Variants in COL9A1 observed in about 807,000 individuals in gnomAD.
COL9A1 encodes the protein collagen alpha-1(IX) chain.
In COL9A1, 104 loss-of-function variants were observed where a neutral mutation model predicts 142.6. The ratio of observed to expected loss-of-function variants is 0.73; its 90% CI spans 0.62 to 0.86. COL9A1 has a LOEUF of 0.86. Among genes scored for constraint, COL9A1 ranks in the 40% least tolerant of loss-of-function variants. COL9A1 has a pLI of 0.00. For synonymous variants in COL9A1, 466 were observed against 396.0 expected, an observed-to-expected ratio of 1.18 and a Z score of -2.10; for missense variants, 1,210 against 1,176.6, an observed-to-expected ratio of 1.03 and a Z score of -0.42.
chr6:70,294,482 G>T lies in COL9A1; in HGVS notation c.381C>A (p.Asn127Lys), dbSNP rs373482218. Residue 127 changes from asparagine (N) to lysine (K), a missense_variant, in exon 5 of 38, where the codon AAC becomes AAA. Physicochemically the swap from Asn to Lys is moderately conservative, Grantham distance 94. Transcript: ENST00000357250. The stretch of plus-strand genomic sequence containing the variant: ...AATCCTGAATCTGCCAAATGTTCCA[G>T]TTCTTTTTGAGAGTGCTTCCAGTCA... ...FRMTGSTLKK[N>K]WNIWQIQDSS... is the part of the protein sequence containing the mutation. 3.7e-6 allele frequency: 6 copies of T among 1,613,990 alleles called. No individual in the cohort carries two copies. Among genetic ancestry groups the T allele is most frequent in the Non-Finnish European group, 5.1e-6 (6 of 1,179,982 alleles).
rs1262621267 is a variant in COL9A1, at chr6:70,300,086, C to T, written c.256G>A (p.Ala86Thr). 1.9e-6 allele frequency: 3 copies of T among 1,613,816 alleles called. No individual in the cohort carries two copies. Among genetic ancestry groups the T allele is most frequent in the South Asian group, 2.2e-5 (2 of 91,076 alleles). The change falls in exon 4 of 38, where the codon GCT becomes ACT. Residue 86 changes from alanine (A) to threonine (T), a missense_variant. Transcript: ENST00000357250. ...TCTACATTATTTCCCAACTTGTAAG[C>T]CACCTGCAATGTAGCTGATCCCACT... Reference protein sequence around the residue: ...RVVGSATLQVAYKLGNNVDFR... With the variant: ...RVVGSATLQVTYKLGNNVDFR...
chr6:70,294,557 T>A lies in COL9A1; in HGVS notation c.306A>T (p.Leu102Phe). ...NVDFRIPTRN[L>F]YPSGLPEEYS... ...ATTCTTCAGGCAGTCCACTGGGATA[T>A]AAATTCCTGAGTAAAATTTTTAAAT... The change falls in exon 5 of 38, where the codon TTA becomes TTT. Residue 102 changes from leucine (L) to phenylalanine (F), a missense_variant. Leu to Phe is a conservative substitution (Grantham distance 22). Coordinates refer to ENST00000357250, the MANE Select transcript of COL9A1 (RefSeq NM_001851.6). 6.2e-7 allele frequency: 1 copy of A among 1,613,920 alleles called. No homozygotes were observed. The highest frequency in any genetic ancestry group is 8.5e-7 in the Non-Finnish European group (1 of 1,179,862).
rs6905075 is a variant in COL9A1, at chr6:70,283,945, C to T, written c.697-125G>A. The T allele has an allele frequency of 2.0e-3, 1,489 of 755,440 alleles. 16 individuals are homozygous for T. In the African/African-American group the frequency reaches 0.022, roughly 11 times the overall value. 46.8% of individuals were successfully genotyped at this position (755,440 alleles called of 1,614,324 possible). A position where few individuals can be genotyped will look rare whatever the true frequency, so the allele number is the denominator to read the frequency against. On this transcript the variant is annotated intron_variant, in intron 5 of 37. Transcript: ENST00000357250. ...AATCAACTTGAACTGGTTGAGCACA[C>T]TGGACCAGGACTCTTGCTTTTCCTT...
chr6:70,293,598 A>T (rs1251427463), intron 5 of COL9A1, among the ~76,000 whole-genome samples: 1 of 151,118 alleles, frequency 6.6e-6, no homozygotes, highest in Non-Finnish European at 1.5e-5. Flanking sequence ...CACTCTGAAG[A>T]TAGTATGTCT....
chr6:70,242,766 C>T (rs1770347692), intron 28 of COL9A1, 51 bp from the exon 29 acceptor site: 6 of 1,535,574 alleles, frequency 3.9e-6, no homozygotes, highest in East Asian at 2.2e-5. Context: ...AATTCAAATG[C>T]TTAGTTACTA....
chr6:70,302,047 G>T lies in COL9A1; in HGVS notation c.42C>A (p.Cys14Ter). 6.2e-7 allele frequency: 1 copy of T among 1,611,754 alleles called. No individual in the cohort carries two copies. The highest frequency in any genetic ancestry group is 8.5e-7 in the Non-Finnish European group (1 of 1,179,108). ...CAGATGCCCAGGGTTCCAGGAAACT[G>T]CACACAAAGAAGAAAACTGGAATTT... ...CWKIPVFFFV[C>*]SFLEPWASAA... The change falls in exon 2 of 38, where the codon TGC (cysteine) becomes TGA (stop). Residue 14 changes from cysteine (C) to a stop codon, truncating the protein, a stop_gained. Coordinates refer to ENST00000357250, the MANE Select transcript of COL9A1 (RefSeq NM_001851.6). LOFTEE classifies it high-confidence loss of function.
intron 29 of COL9A1, among the ~76,000 whole-genome samples, chr6:70,242,431 T>C (rs1489532667): frequency 6.6e-6 from 1 of 152,182 alleles, no homozygotes; most frequent in African/African-American, 2.4e-5. Flanking sequence ...AATGCAGCAC[T>C]TCACATTTCA....
intron 28 of COL9A1, among the ~76,000 whole-genome samples, chr6:70,243,345 C>T (rs1305521639): frequency 3.3e-5 from 5 of 152,058 alleles, no homozygotes; most frequent in East Asian, 1.9e-4. Flanking sequence ...CGAAGATACA[C>T]CAAAAATAAT....
Position 70,302,963 on chromosome 6 carries a change from T to C in COL9A1, c.-39A>G, listed in dbSNP as rs1011705191. ...TTTCTTTGTTTGCCAACAGTCCCTA[T>C]GAAGAAGGGGTTGGAAGGGAGTCAC... is the stretch of plus-strand genomic sequence containing the variant. On this transcript the variant is annotated 5_prime_UTR_variant, in exon 1 of 38. Coordinates refer to ENST00000357250, the MANE Select transcript of COL9A1 (RefSeq NM_001851.6). 15 of 1,610,146 alleles carry C rather than the reference T, an allele frequency of 9.3e-6. No homozygotes were observed. In the East Asian group the frequency reaches 3.3e-4, roughly 36 times the overall value.
chr6:70,295,792 T>C (rs1773831190), intron 4 of COL9A1, among the ~76,000 whole-genome samples: 1 of 152,376 alleles, frequency 6.6e-6, no homozygotes, highest in East Asian at 1.9e-4. Flanking sequence ...AATCAGCATG[T>C]TAAATGTAAG....
intron 1 of COL9A1, 138 bp from the exon 2 acceptor site, chr6:70,302,212 T>C: frequency 1.1e-4 from 60 of 532,726 alleles, no homozygotes; most frequent in East Asian, 1.6e-4. Flanking sequence ...TTCTTTTTTT[T>C]TTTTTTTTTT....
chr6:70,297,808 G>A (rs1398139789), intron 4 of COL9A1, among the ~76,000 whole-genome samples: 3 of 152,014 alleles, frequency 2.0e-5, no homozygotes, highest in Non-Finnish European at 2.9e-5. Context: ...TTGTTAGTGG[G>A]AGTTGAGAGT....
intron 33 of COL9A1, among the ~76,000 whole-genome samples, chr6:70,235,171 T>A (rs1769825976): frequency 6.6e-6 from 1 of 152,212 alleles, no homozygotes; most frequent in Non-Finnish European, 1.5e-5. Flanking sequence ...ATCTTTCTTT[T>A]GGCTGGGTGT....
At chr6:70,250,582 G>A (rs1770877589) in intron 28 of COL9A1, among the ~76,000 whole-genome samples, 1 of 152,164 alleles carries the variant, frequency 6.6e-6, no homozygotes, top group Non-Finnish European at 1.5e-5. Context: ...TGTGAGAAGT[G>A]GAGAAATTCC....
At chr6:70,282,364 A>C (rs1773218436) in intron 7 of COL9A1, among the ~76,000 whole-genome samples, 1 of 152,218 alleles carries the variant, frequency 6.6e-6, no homozygotes, top group Admixed American at 6.5e-5. Flanking sequence ...TCCCTCGCGC[A>C]GGAGGCGGGA....
chr6:70,302,842 T>C (rs1219134991), intron 1 of COL9A1, 69 bp downstream of exon 1: 23 of 1,551,458 alleles, frequency 1.5e-5, no homozygotes, highest in Non-Finnish European at 1.9e-5. Flanking sequence ...GCTGCAAAAA[T>C]ACAGACCCTT....
chr6:70,275,384 A>G (rs939013614), intron 10 of COL9A1, among the ~76,000 whole-genome samples: 10 of 152,218 alleles, frequency 6.6e-5, no homozygotes, highest in African/African-American at 2.4e-4. Context: ...GAAAGCATGC[A>G]TGTTTCTACA....
intron 36 of COL9A1, among the ~76,000 whole-genome samples, chr6:70,231,849 A>C (rs574616014): frequency 6.6e-6 from 1 of 152,174 alleles, no homozygotes. Flanking sequence ...TATCCAGGGC[A>C]CATACACCCC....
chr6:70,232,587 A>C lies in COL9A1; in HGVS notation c.2499T>G (p.Pro833=). 6.2e-7 allele frequency: 1 copy of C among 1,613,836 alleles called. No individual in the cohort carries two copies. The part of the protein sequence containing the change: ...GPPGALGLRG[P]KGDLGEKGER... ...CACATGGGCAAGATGACTTACCTTT[A>C]GGTCCCCTCAAACCAAGAGCACCAG... Residue 833 remains proline, a synonymous_variant, in exon 36 of 38, where the codon CCT becomes CCG. Transcript: ENST00000357250.
Sources: gnomAD v4.1 joint callset for allele counts (sites outside exome capture counted in the v4.1 genomes callset) on GRCh38, gnomAD v4.1.1 for gene constraint, MANE v1.5 for transcripts, NCBI Gene and HGNC (gene_info 2026-07-23, HGNC 2026-07-21) for gene names.